The following ZNF704 variants were observed in gnomAD, a reference collection of about 807,000 sequenced individuals.
ZNF704 encodes the protein zinc finger protein 704.
Under a neutral mutation model 44.7 loss-of-function variants are expected in ZNF704, and 10 were observed. The ratio of observed to expected loss-of-function variants is 0.22; its 90% CI spans 0.14 to 0.38. The LOEUF (loss-of-function observed/expected upper bound fraction) is 0.38, where lower values mean the gene tolerates loss of function less well. ZNF704 is among the 10% of genes least tolerant of loss of function. ZNF704 has a pLI of 1.00. For missense variants in ZNF704, 390 were observed against 545.5 expected (o/e 0.71, Z 2.84); for synonymous variants, 211 against 207.6 (o/e 1.02, Z -0.14).
At chr8:80,718,118 T>G (rs1024709474) in intron 2 of ZNF704, among the ~76,000 whole-genome samples, 6 of 152,164 alleles carry the variant, frequency 3.9e-5, no homozygotes, top group African/African-American at 1.2e-4. Context: ...ATAAGATTTT[T>G]CATCATTTTA....
In ZNF704 at chr8:80,854,977, G is replaced by T. The variant is rs574206457; in HGVS notation, c.-22+19594C>A. Among the ~76,000 whole-genome samples the T allele has an allele frequency of 2.4e-4, 37 of 152,200 alleles. No individual in the cohort carries two copies. The South Asian group carries it at 7.3e-3, about 30-fold the overall frequency. ...TGAAATAAGCACATCATGTAGAATG[G>T]GGTATCCATGCCCTAAAGCATTTAC... is the stretch of plus-strand genomic sequence containing the variant. On this transcript the variant is annotated intron_variant, in intron 1 of 8. Transcript: ENST00000327835.
chr8:80,855,068 T>C (rs550144347), intron 1 of ZNF704, among the ~76,000 whole-genome samples: 40 of 152,314 alleles, frequency 2.6e-4, no homozygotes, highest in African/African-American at 7.0e-4. Flanking sequence ...TAAGTTATCA[T>C]GTTTGACTAT....
chr8:80,734,618 C>T (rs1806635362), intron 2 of ZNF704, among the ~76,000 whole-genome samples: 1 of 152,114 alleles, frequency 6.6e-6, no homozygotes, highest in African/African-American at 2.4e-5. Context: ...CAGATAAAAC[C>T]TTATTTCCTG....
intron 2 of ZNF704, among the ~76,000 whole-genome samples, chr8:80,800,169 G>A (rs2129789143): frequency 6.6e-6 from 1 of 152,338 alleles, no homozygotes; most frequent in African/African-American, 2.4e-5. Context: ...ATGGGATTAT[G>A]TAAGGAGACT....
intron 4 of ZNF704, among the ~76,000 whole-genome samples, chr8:80,675,392 A>G (rs1342813799): frequency 6.6e-6 from 1 of 152,228 alleles, no homozygotes; most frequent in Non-Finnish European, 1.5e-5. Context: ...AGACAAAGGT[A>G]AGGAATTTGG....
intron 1 of ZNF704, among the ~76,000 whole-genome samples, chr8:80,824,375 G>GA (rs1243289182): frequency 2.6e-5 from 4 of 152,084 alleles, no homozygotes; most frequent in South Asian, 2.1e-4. Flanking sequence ...GAAGTTTAGA[G>GA]AAAAAAGAGT....
At chr8:80,711,994 C>T (rs1585973688) in intron 2 of ZNF704, among the ~76,000 whole-genome samples, 1 of 152,172 alleles carries the variant, frequency 6.6e-6, no homozygotes, top group Non-Finnish European at 1.5e-5. Flanking sequence ...TTAACAAATG[C>T]TCTGCTATGG....
chr8:80,742,670 T>C (rs766211551), intron 2 of ZNF704, among the ~76,000 whole-genome samples: 29 of 152,182 alleles, frequency 1.9e-4, no homozygotes, highest in African/African-American at 5.5e-4. Context: ...CCAGATGCAG[T>C]CCATGACTAA....
intron 3 of ZNF704, among the ~76,000 whole-genome samples, chr8:80,689,792 A>G (rs1417788311): frequency 6.6e-6 from 1 of 151,684 alleles, no homozygotes; most frequent in Non-Finnish European, 1.5e-5. Flanking sequence ...TCCTTTAGAA[A>G]GACTATTTAG....
chr8:80,676,889 AGGC>A (rs1238423116), intron 4 of ZNF704, among the ~76,000 whole-genome samples: 5 of 152,202 alleles, frequency 3.3e-5, no homozygotes, highest in Admixed American at 2.6e-4. Flanking sequence ...GGCGGAGCAC[AGGC>A]GGTAATGCTC....
chr8:80,640,050 T>C lies in ZNF704; in HGVS notation c.*1316A>G, dbSNP rs899233775. On this transcript the variant is annotated 3_prime_UTR_variant, in exon 9 of 9. Coordinates refer to ENST00000327835, the MANE Select transcript of ZNF704 (RefSeq NM_001033723.3). ...GTTACGAAGCCCAATAAATGGAACA[T>C]AGTGCAAGCCCTGGCCCTACTAAAC... The C allele has an allele frequency of 6.6e-6, 1 of 152,618 alleles. No homozygotes were observed. The highest frequency in any genetic ancestry group is 1.5e-5 in the Non-Finnish European group (1 of 68,044). 9.5% of individuals were successfully genotyped at this position (152,618 alleles called of 1,614,324 possible).
chr8:80,824,953 C>T lies in ZNF704; in HGVS notation c.-21-3338G>A, dbSNP rs542483420. 5.9e-5 allele frequency among the ~76,000 whole-genome samples: 9 copies of T among 152,276 alleles called. No individual in the cohort carries two copies. In the South Asian group the frequency reaches 1.9e-3, roughly 32 times the overall value. On this transcript the variant is annotated intron_variant, in intron 1 of 8. Coordinates refer to ENST00000327835, the MANE Select transcript of ZNF704 (RefSeq NM_001033723.3). ...TAAACATGGAAAGGAACAACTGGTA[C>T]CAGCCACTGCAAAAACATGCCAAAT...
intron 1 of ZNF704, among the ~76,000 whole-genome samples, chr8:80,846,962 C>T (rs891902742): frequency 3.3e-5 from 5 of 152,112 alleles, no homozygotes; most frequent in African/African-American, 9.7e-5. Context: ...CACCCAAGGT[C>T]AGGAGTTCAA....
intron 7 of ZNF704, chr8:80,645,314 G>A: frequency 2.6e-6 from 2 of 758,598 alleles, no homozygotes; most frequent in Non-Finnish European, 4.3e-6. Context: ...GTGGTCACAG[G>A]AATAGCATTG....
At chr8:80,761,271 CT>C (rs1386891315) in intron 2 of ZNF704, among the ~76,000 whole-genome samples, 29 of 152,288 alleles carry the variant, frequency 1.9e-4, no homozygotes, top group African/African-American at 6.7e-4. Context: ...AAATAAGTTT[CT>C]GTTTTTACAA....
chr8:80,641,419 T>C lies in ZNF704; in HGVS notation c.1186A>G (p.Met396Val), dbSNP rs748490553. 1.2e-5 allele frequency: 19 copies of C among 1,607,820 alleles called. No individual in the cohort carries two copies. The highest frequency in any genetic ancestry group is 1.5e-5 in the Non-Finnish European group (18 of 1,176,410). ...TTCCAGCGGCAGGCGGTACACCACA[T>C]GTCTCGGTTCTCCATCCCGTACACC... is the stretch of plus-strand genomic sequence containing the variant. ...RKVYGMENRD[M>V]WCTACRWKKA... The change falls in exon 9 of 9, where the codon ATG (methionine) becomes GTG (valine). Residue 396 changes from methionine to valine, a missense_variant. Physicochemically the swap from Met to Val is conservative, Grantham distance 21 (BLOSUM62 1). Transcript: ENST00000327835.
intron 2 of ZNF704, among the ~76,000 whole-genome samples, chr8:80,753,036 C>T (rs1778750438): frequency 6.6e-6 from 1 of 152,124 alleles, no homozygotes; most frequent in South Asian, 2.1e-4. Flanking sequence ...CAAGGCAAAG[C>T]GATGTTTTTT....
At chr8:80,706,457 A>T (rs1414411072) in intron 2 of ZNF704, among the ~76,000 whole-genome samples, 2 of 152,258 alleles carry the variant, frequency 1.3e-5, no homozygotes, top group Non-Finnish European at 2.9e-5. Flanking sequence ...ACAGACTGAA[A>T]CATGGGCTAG....
At chr8:80,705,359 T>C (rs1198851430) in intron 2 of ZNF704, among the ~76,000 whole-genome samples, 1 of 151,032 alleles carries the variant, frequency 6.6e-6, no homozygotes, top group East Asian at 1.9e-4. Flanking sequence ...TCTGCACAGT[T>C]GTGTGTCGGG....
Sources: allele counts gnomAD v4.1 joint callset (sites outside exome capture counted in the v4.1 genomes callset), GRCh38; gene constraint gnomAD v4.1.1; transcripts MANE v1.5; gene names NCBI Gene and HGNC (gene_info 2026-07-23, HGNC 2026-07-21).